CUX1: variants seen among roughly 807,000 people sequenced by gnomAD.
CUX1 encodes protein CASP.
In CUX1, 31 loss-of-function variants were observed where a neutral mutation model predicts 158.8. That is an observed-to-expected ratio of 0.20 (90% CI 0.15 to 0.26). CUX1 has a LOEUF of 0.26. Ranked by LOEUF, CUX1 falls within the 10% of genes least tolerant of loss-of-function variation. The pLI, the probability that CUX1 is intolerant of heterozygous loss-of-function variation, is 1.00. For synonymous variants in CUX1, 879 were observed against 862.1 expected (o/e 1.02, Z -0.34); for missense variants, 1,589 against 2,014.6 (o/e 0.79, Z 4.04).
At chr7:102,026,622 A>C (rs1203768285) in intron 2 of CUX1, among the ~76,000 whole-genome samples, 1 of 151,294 alleles carries the variant, frequency 6.6e-6, no homozygotes, top group Non-Finnish European at 1.5e-5. Flanking sequence ...GAGTTTGAGA[A>C]CAGCCTAGCC....
intron 9 of CUX1, 43 bp downstream of exon 9, chr7:102,158,651 G>A: frequency 1.9e-6 from 3 of 1,596,308 alleles, no homozygotes; most frequent in South Asian, 1.1e-5. Context: ...CACAATAGCG[G>A]GCCCGTTTCT....
At chr7:102,216,085 C>T (rs1271473745) in intron 20 of CUX1, among the ~76,000 whole-genome samples, 6 of 152,212 alleles carry the variant, frequency 3.9e-5, no homozygotes, top group African/African-American at 1.2e-4. Context: ...GGGAGGATCA[C>T]TTGAGGCCGG....
At chr7:102,211,922 A>G (rs781881211) in intron 20 of CUX1, among the ~76,000 whole-genome samples, 4 of 151,990 alleles carry the variant, frequency 2.6e-5, no homozygotes, top group Non-Finnish European at 5.9e-5. Flanking sequence ...GGCTGATGAG[A>G]TGAGGCTGGG....
At chr7:101,874,655 C>T (rs747320525) in intron 1 of CUX1, among the ~76,000 whole-genome samples, 3 of 152,164 alleles carry the variant, frequency 2.0e-5, no homozygotes, top group Admixed American at 6.5e-5. Context: ...CAGTGTGGCC[C>T]GGTCTGACCC....
At chr7:101,972,799 CAGG>C in intron 2 of CUX1, among the ~76,000 whole-genome samples, 1 of 152,314 alleles carries the variant, frequency 6.6e-6, no homozygotes, top group South Asian at 2.1e-4. Flanking sequence ...CAGTAGGTGT[CAGG>C]AGGTGTCCCG....
chr7:101,818,020 C>T (rs1792069779), intron 1 of CUX1, among the ~76,000 whole-genome samples: 1 of 152,188 alleles, frequency 6.6e-6, no homozygotes, highest in Non-Finnish European at 1.5e-5. Context: ...TGCTTGTTTT[C>T]TGCTCTTGCC....
intron 2 of CUX1, among the ~76,000 whole-genome samples, chr7:101,958,479 C>CTTTT (rs11433173): frequency 8.0e-5 from 9 of 112,102 alleles, no homozygotes; most frequent in Non-Finnish European, 1.0e-4. Flanking sequence ...ATTTTCTTTT[C>CTTTT]TTTTTTTTTT....
intron 9 of CUX1, among the ~76,000 whole-genome samples, chr7:102,167,448 G>A (rs1554509162): frequency 6.6e-6 from 1 of 152,140 alleles, no homozygotes; most frequent in Non-Finnish European, 1.5e-5. Context: ...GTAACCAGAT[G>A]CCCGGGACTT....
intron 4 of CUX1, among the ~76,000 whole-genome samples, chr7:102,072,877 G>GA (rs1193204614): frequency 6.6e-6 from 1 of 152,162 alleles, no homozygotes; most frequent in Non-Finnish European, 1.5e-5. Context: ...AGAATTTACA[G>GA]AAAAAGCATG....
At chr7:101,886,234 C>G (rs368298536) in intron 1 of CUX1, among the ~76,000 whole-genome samples, 11 of 152,116 alleles carry the variant, frequency 7.2e-5, no homozygotes, top group Non-Finnish European at 1.2e-4. Context: ...CACTCTCCTG[C>G]CAAGGCTGGA....
intron 4 of CUX1, among the ~76,000 whole-genome samples, chr7:102,076,394 A>C (rs1394279274): frequency 1.4e-5 from 2 of 147,578 alleles, no homozygotes; most frequent in African/African-American, 4.9e-5. Context: ...AAAATAAATA[A>C]AATTAAAAAA....
chr7:101,850,645 G>A (rs1333053427), intron 1 of CUX1, among the ~76,000 whole-genome samples: 1 of 152,112 alleles, frequency 6.6e-6, no homozygotes, highest in Non-Finnish European at 1.5e-5. Context: ...CTCCCAAAAA[G>A]CTGGGATTAC....
Position 102,201,297 on chromosome 7 carries a change from G to T in CUX1, c.2063-63G>T. On this transcript the variant is annotated intron_variant, in intron 17 of 23. Transcript: ENST00000292535. This position sits in a 1 kb window ranked among gnomAD's most constrained non-coding sequence, Gnocchi z 5.0. ...TTTGCAGTAGGTCAAGTTAGGATGAGAAGCATGTCCCCAGCTGAAGGGGGC... is the reference window on the plus strand; with the variant it reads ...TTTGCAGTAGGTCAAGTTAGGATGATAAGCATGTCCCCAGCTGAAGGGGGC... 6.4e-7 allele frequency: 1 copy of T among 1,569,136 alleles called. No individual in the cohort carries two copies. The highest frequency in any genetic ancestry group is 8.6e-7 in the Non-Finnish European group (1 of 1,157,408).
chr7:102,253,198 G>C lies in CUX1; in HGVS notation c.*4156G>C. 1 of 985,454 alleles carries C rather than the reference G, an allele frequency of 1.0e-6. No individual in the cohort carries two copies. Among genetic ancestry groups the C allele is most frequent in the Non-Finnish European group, 1.2e-6 (1 of 829,978 alleles). 61.0% of individuals were successfully genotyped at this position (985,454 alleles called of 1,614,324 possible). A position where few individuals can be genotyped will look rare whatever the true frequency, so the allele number is the denominator to read the frequency against. On this transcript the variant is annotated 3_prime_UTR_variant, in exon 24 of 24. Coordinates refer to ENST00000292535, the MANE Select transcript of CUX1 (RefSeq NM_181552.4). ...GTTCAGGTCTGCTGGTTGGCGGTCCGGGCCCAGAGTGCAGCAGAGCTCTGG... is the reference window on the plus strand; with the variant it reads ...GTTCAGGTCTGCTGGTTGGCGGTCCCGGCCCAGAGTGCAGCAGAGCTCTGG...
At position 102,242,392 on chromosome 7, in the gene CUX1, G is replaced by A. The variant is rs553945773; in HGVS notation, c.3887+2808G>A. 5.3e-5 allele frequency among the ~76,000 whole-genome samples: 8 copies of A among 151,986 alleles called. No individual in the cohort carries two copies. The East Asian group carries it at 1.4e-3, about 26-fold the overall frequency. On this transcript the variant is annotated intron_variant, in intron 23 of 23. Transcript: ENST00000292535. ...GCCCGGCTAATTTTTTGTATTTCTAGTAGAGACTGGGTTTCACCATGTTGG... is the reference window on the plus strand; with the variant it reads ...GCCCGGCTAATTTTTTGTATTTCTAATAGAGACTGGGTTTCACCATGTTGG...
At chr7:101,830,083 C>A (rs1191759793) in intron 1 of CUX1, among the ~76,000 whole-genome samples, 1 of 152,124 alleles carries the variant, frequency 6.6e-6, no homozygotes, top group Non-Finnish European at 1.5e-5. Context: ...GGGGCTATGC[C>A]CCTGGGTGCT....
chr7:102,005,008 G>A (rs552893267), intron 2 of CUX1, among the ~76,000 whole-genome samples: 16 of 152,328 alleles, frequency 1.1e-4, no homozygotes, highest in African/African-American at 3.1e-4. Flanking sequence ...GGTTTTGGCC[G>A]GCTTGCCGCA....
At chr7:102,137,816 T>G (rs146188072) in intron 8 of CUX1, among the ~76,000 whole-genome samples, 1 of 152,288 alleles carries the variant, frequency 6.6e-6, no homozygotes, top group East Asian at 1.9e-4. Context: ...CATTTCTTAT[T>G]TCTCCCTAAC....
At chr7:102,043,679 C>T (rs963948400) in intron 3 of CUX1, among the ~76,000 whole-genome samples, 49 of 152,028 alleles carry the variant, frequency 3.2e-4, no homozygotes, top group African/African-American at 1.7e-4. Context: ...TAAATAGTGC[C>T]GCAGTATACA....
Sources: gnomAD v4.1 joint callset for allele counts (sites outside exome capture counted in the v4.1 genomes callset) on GRCh38, gnomAD v4.1.1 for gene constraint, Gnocchi (gnomAD v3.1) non-coding constraint, MANE v1.5 for transcripts, NCBI Gene and HGNC (gene_info 2026-07-23, HGNC 2026-07-21) for gene names.